The following SLC12A1 variants were observed in gnomAD, a reference collection of about 807,000 sequenced individuals.
SLC12A1 encodes Na-K-2Cl cotransporter.
SLC12A1 carries 89 observed loss-of-function variants against 130.4 expected under a neutral mutation model. That is an observed-to-expected ratio of 0.68 (90% CI 0.58 to 0.81). The LOEUF (loss-of-function observed/expected upper bound fraction) is 0.81. SLC12A1 is among the 40% of genes least tolerant of loss of function. The pLI is 0.00. For missense variants in SLC12A1, 1,310 were observed against 1,336.4 expected (o/e 0.98, Z 0.31); for synonymous variants, 499 against 460.0 (o/e 1.08, Z -1.09).
chr15:48,278,193 G>A (rs976702679), intron 20 of SLC12A1, among the ~76,000 whole-genome samples: 1 of 152,180 alleles, frequency 6.6e-6, no homozygotes, highest in African/African-American at 2.4e-5. Flanking sequence ...GCAGTGAGCC[G>A]AGATCGCGCC....
intron 5 of SLC12A1, chr15:48,227,577 G>A (rs1251347990): frequency 4.4e-5 from 9 of 203,318 alleles, no homozygotes; most frequent in African/African-American, 1.2e-4. Context: ...CCCAGGCCTC[G>A]GGGCTCACCC....
At chr15:48,264,977 C>T (rs2041817699) in intron 17 of SLC12A1, among the ~76,000 whole-genome samples, 1 of 152,102 alleles carries the variant, frequency 6.6e-6, no homozygotes, top group South Asian at 2.1e-4. Flanking sequence ...AATTTATATA[C>T]TCATATTTTG....
chr15:48,233,423 T>C (rs535478509), intron 8 of SLC12A1, among the ~76,000 whole-genome samples: 4 of 152,312 alleles, frequency 2.6e-5, no homozygotes, highest in Middle Eastern at 3.4e-3. Flanking sequence ...CATAGTCATT[T>C]CTCTCTTCCT....
chr15:48,250,129 G>A (rs1474134215), intron 14 of SLC12A1, among the ~76,000 whole-genome samples: 1 of 152,218 alleles, frequency 6.6e-6, no homozygotes, highest in Non-Finnish European at 1.5e-5. Flanking sequence ...CTGCATTGAT[G>A]CTGGTGGCAT....
chr15:48,286,314 C>T (rs1408308751), intron 21 of SLC12A1, among the ~76,000 whole-genome samples: 1 of 152,134 alleles, frequency 6.6e-6, no homozygotes, highest in African/African-American at 2.4e-5. Context: ...CCCCATGGGC[C>T]GTGGCCTACT....
intron 9 of SLC12A1, among the ~76,000 whole-genome samples, chr15:48,241,028 T>A (rs1181081755): frequency 1.3e-5 from 2 of 152,184 alleles, no homozygotes; most frequent in African/African-American, 4.8e-5. Flanking sequence ...ATTTAAGGGA[T>A]TGAAAAATTT....
intron 17 of SLC12A1, 38 bp downstream of exon 17, chr15:48,259,349 C>T: frequency 7.7e-7 from 1 of 1,300,018 alleles, no homozygotes; most frequent in Non-Finnish European, 1.1e-6. Flanking sequence ...CCTTTTTCCT[C>T]CCTGCTTATC....
At chr15:48,272,590 C>A (rs560604685) in intron 19 of SLC12A1, among the ~76,000 whole-genome samples, 3 of 152,048 alleles carry the variant, frequency 2.0e-5, no homozygotes, top group Non-Finnish European at 4.4e-5. Context: ...CCATGCCCAG[C>A]TAATTTTTAT....
intron 19 of SLC12A1, 102 bp downstream of exon 19, chr15:48,269,866 C>G: frequency 1.7e-6 from 1 of 589,256 alleles, no homozygotes; most frequent in Admixed American, 2.5e-5. Context: ...ATTAAATTGC[C>G]TGAGAAGAGT....
chr15:48,221,006 T>C lies in SLC12A1; in HGVS notation c.628+10T>C, dbSNP rs747711444. Reference sequence around the variant, plus strand: ...GGAGAAGCTGGAATTGGTAAGCATTTTTCCCCTCCTAAATAATTTTGCATG... The same window carrying C: ...GGAGAAGCTGGAATTGGTAAGCATTCTTCCCCTCCTAAATAATTTTGCATG... On this transcript the variant is annotated intron_variant, in intron 4 of 26. Coordinates refer to ENST00000380993, the MANE Select transcript of SLC12A1 (RefSeq NM_000338.3). 26 of 1,612,636 alleles carry C rather than the reference T, an allele frequency of 1.6e-5. No homozygotes were observed. Among genetic ancestry groups the C allele is most frequent in the Non-Finnish European group, 2.1e-5 (25 of 1,178,642 alleles).
At chr15:48,255,022 A>G (rs2041690163) in intron 15 of SLC12A1, among the ~76,000 whole-genome samples, 3 of 152,226 alleles carry the variant, frequency 2.0e-5, no homozygotes, top group Non-Finnish European at 1.5e-5. Flanking sequence ...AGATCCATCT[A>G]AAATGTTTGC....
intron 2 of SLC12A1, among the ~76,000 whole-genome samples, chr15:48,218,252 C>T (rs915161758): frequency 9.2e-5 from 14 of 152,172 alleles, no homozygotes; most frequent in African/African-American, 3.4e-4. Context: ...CACACAATGA[C>T]TCTTATGACT....
At chr15:48,223,359 G>A (rs990576636) in intron 4 of SLC12A1, 1 of 152,124 alleles carries the variant, frequency 6.6e-6, no homozygotes, top group Non-Finnish European at 1.5e-5. Flanking sequence ...CCTGAAGCAG[G>A]TGGTTCAAGA....
At chr15:48,222,505 A>C (rs1191317260) in intron 4 of SLC12A1, 1 of 151,962 alleles carries the variant, frequency 6.6e-6, no homozygotes, top group African/African-American at 2.4e-5. Flanking sequence ...TTTATATTGA[A>C]GTAGTTAAAT....
At position 48,227,486 on chromosome 15, in the gene SLC12A1, C is replaced by T. The variant is rs35722253; in HGVS notation, c.724+915C>T. 2.0e-3 allele frequency: 713 copies of T among 349,738 alleles called. 3 individuals carry two copies. Among genetic ancestry groups the T allele is most frequent in the Non-Finnish European group, 3.2e-3 (597 of 185,544 alleles). The allele number at this position is 349,738 out of a possible 1,614,324, so 21.7% of individuals were successfully genotyped here. On this transcript the variant is annotated intron_variant, in intron 5 of 26. Transcript: ENST00000380993. ...CTTGGATGAGACCCACTGGCTCTCT[C>T]GCAGGTCCTCTCAGCATGGGTCTTC... is the stretch of plus-strand genomic sequence containing the variant.
intron 2 of SLC12A1, among the ~76,000 whole-genome samples, chr15:48,211,882 A>G (rs577020231): frequency 6.6e-6 from 1 of 152,328 alleles, no homozygotes; most frequent in South Asian, 2.1e-4. Flanking sequence ...CAATGACTTG[A>G]GATCGTAATT....
rs572445297 is a variant in SLC12A1 at position 48,266,398 on chromosome 15, C to T, written c.2155-1163C>T. On this transcript the variant is annotated intron_variant, in intron 17 of 26. Transcript: ENST00000380993. Reference sequence around the variant, plus strand: ...AAGCTCAGAGATAAGGAATTACCTCCTCAGGCTTAGATCTGAGACCTGTTT... The same window carrying T: ...AAGCTCAGAGATAAGGAATTACCTCTTCAGGCTTAGATCTGAGACCTGTTT... Among the ~76,000 whole-genome samples the T allele has an allele frequency of 3.3e-5, 5 of 151,668 alleles. No homozygotes were observed. The South Asian group carries it at 1.0e-3, about 32-fold the overall frequency.
intron 20 of SLC12A1, among the ~76,000 whole-genome samples, chr15:48,278,210 C>T (rs1284132787): frequency 6.6e-6 from 1 of 152,226 alleles, no homozygotes; most frequent in Non-Finnish European, 1.5e-5. Context: ...CGCCACTGCA[C>T]TCCAGCCTGG....
At chr15:48,269,538 A>G (rs537247271) in intron 18 of SLC12A1, 120 bp from the exon 19 acceptor site, 67 of 537,732 alleles carry the variant, frequency 1.2e-4, no homozygotes, top group Admixed American at 2.5e-4. Context: ...CTAAAATGTA[A>G]TCTAATCTTC....
Sources: gnomAD v4.1 joint callset for allele counts (sites outside exome capture counted in the v4.1 genomes callset) on GRCh38, gnomAD v4.1.1 for gene constraint, MANE v1.5 for transcripts, NCBI Gene and HGNC (gene_info 2026-07-23, HGNC 2026-07-21) for gene names.